Variants in FAT3 observed in about 807,000 individuals in gnomAD.
FAT3 encodes protocadherin Fat 3.
Under a neutral mutation model 310.2 loss-of-function variants are expected in FAT3, and 95 were observed. That is an observed-to-expected ratio of 0.31 (90% CI 0.26 to 0.36). The LOEUF is 0.36. Among genes scored for constraint, FAT3 ranks in the 10% least tolerant of loss-of-function variants. FAT3 has a pLI of 1.00. For synonymous variants in FAT3, 2,314 were observed against 2,192.9 expected (o/e 1.06, Z -1.54); for missense variants, 5,408 against 5,715.6 (o/e 0.95, Z 1.74).
chr11:92,589,161 G>C (rs1162258182), intron 3 of FAT3, among the ~76,000 whole-genome samples: 2 of 151,982 alleles, frequency 1.3e-5, no homozygotes, highest in African/African-American at 4.8e-5. Context: ...TAATAAAAAA[G>C]GAAAGAAAGG....
intron 1 of FAT3, among the ~76,000 whole-genome samples, chr11:92,304,459 C>T (rs1464698039): frequency 1.3e-5 from 2 of 152,084 alleles, no homozygotes; most frequent in Non-Finnish European, 1.5e-5. Flanking sequence ...GCAGTGTGGT[C>T]ATCTCCTCTG....
At position 92,892,069 on chromosome 11, in the gene FAT3, A is replaced by G. The variant is rs1033054299; in HGVS notation, c.*956A>G. 2 of 152,238 alleles carry G rather than the reference A, an allele frequency of 1.3e-5. No homozygotes were observed. Among genetic ancestry groups the G allele is most frequent in the Non-Finnish European group, 2.9e-5 (2 of 68,048 alleles). The allele number at this position is 152,238 out of a possible 1,614,324, so 9.4% of individuals were successfully genotyped here. On this transcript the variant is annotated 3_prime_UTR_variant, in exon 28 of 28. Coordinates refer to ENST00000525166, the MANE Select transcript of FAT3 (RefSeq NM_001367949.2). ...GGCCTAGATAATCACAATTCTTCATAATGCAGAGGAAAGGTGTCTGTTATT... is the reference window on the plus strand; with the variant it reads ...GGCCTAGATAATCACAATTCTTCATGATGCAGAGGAAAGGTGTCTGTTATT...
At chr11:92,579,089 A>G (rs1219071742) in intron 3 of FAT3, among the ~76,000 whole-genome samples, 1 of 152,134 alleles carries the variant, frequency 6.6e-6, no homozygotes, top group Non-Finnish European at 1.5e-5. Flanking sequence ...TAAAATCCAG[A>G]TTAATCTAAA....
At chr11:92,707,245 C>T (rs886521366) in intron 4 of FAT3, among the ~76,000 whole-genome samples, 14 of 152,220 alleles carry the variant, frequency 9.2e-5, no homozygotes, top group Non-Finnish European at 1.5e-5. Context: ...CACCCAGTGG[C>T]TCCGCCTGGC....
intron 3 of FAT3, among the ~76,000 whole-genome samples, chr11:92,552,821 G>A (rs779698446): frequency 6.6e-6 from 1 of 151,902 alleles, no homozygotes. Context: ...ATGATGGCAC[G>A]TGCCTGTAAT....
At chr11:92,514,521 C>A in intron 2 of FAT3, among the ~76,000 whole-genome samples, 1 of 152,148 alleles carries the variant, frequency 6.6e-6, no homozygotes. Context: ...GGGATATTCA[C>A]TTGAGTCCTT....
intron 2 of FAT3, among the ~76,000 whole-genome samples, chr11:92,457,526 G>A (rs533278249): frequency 6.6e-6 from 1 of 152,240 alleles, no homozygotes; most frequent in South Asian, 2.1e-4. Flanking sequence ...ATGAACATTA[G>A]TCGATATCCT....
At chr11:92,296,607 T>C (rs1224825594) in intron 1 of FAT3, among the ~76,000 whole-genome samples, 1 of 151,900 alleles carries the variant, frequency 6.6e-6, no homozygotes, top group South Asian at 2.1e-4. Context: ...TGTTATGGCC[T>C]GTCTGTTTCA....
chr11:92,325,889 C>T (rs1947750711), intron 1 of FAT3, among the ~76,000 whole-genome samples: 1 of 152,180 alleles, frequency 6.6e-6, no homozygotes, highest in Non-Finnish European at 1.5e-5. Flanking sequence ...CTGGGCCTCC[C>T]AAAGTGCTGG....
At chr11:92,406,174 T>C (rs1950133229) in intron 2 of FAT3, among the ~76,000 whole-genome samples, 1 of 152,212 alleles carries the variant, frequency 6.6e-6, no homozygotes, top group African/African-American at 2.4e-5. Flanking sequence ...GTGTTCCTTA[T>C]ATATCCTTCC....
intron 6 of FAT3, among the ~76,000 whole-genome samples, chr11:92,771,983 A>C (rs1038101671): frequency 1.3e-5 from 2 of 152,136 alleles, no homozygotes; most frequent in Admixed American, 1.3e-4. Context: ...ACTGGAATCT[A>C]TGCTTGCTGG....
At chr11:92,576,555 C>T (rs1938495802) in intron 3 of FAT3, among the ~76,000 whole-genome samples, 1 of 152,036 alleles carries the variant, frequency 6.6e-6, no homozygotes, top group Non-Finnish European at 1.5e-5. Context: ...CAAATTCTAG[C>T]CTCTGTGATA....
At chr11:92,438,744 G>A (rs188491826) in intron 2 of FAT3, among the ~76,000 whole-genome samples, 4 of 152,286 alleles carry the variant, frequency 2.6e-5, no homozygotes, top group Non-Finnish European at 1.5e-5. Context: ...TAAGAAAAGA[G>A]AGAAGACCAT....
chr11:92,404,313 A>G (rs1950091512), intron 2 of FAT3, among the ~76,000 whole-genome samples: 1 of 152,136 alleles, frequency 6.6e-6, no homozygotes, highest in Non-Finnish European at 1.5e-5. Context: ...CAAGTGCTGT[A>G]CTAGTGGAAT....
At chr11:92,617,005 T>G (rs1940843352) in intron 3 of FAT3, among the ~76,000 whole-genome samples, 1 of 152,232 alleles carries the variant, frequency 6.6e-6, no homozygotes, top group African/African-American at 2.4e-5. Context: ...CTGTATTTCC[T>G]GAATTTGAAT....
chr11:92,853,920 T>C (rs1352300685), intron 19 of FAT3, among the ~76,000 whole-genome samples: 2 of 152,178 alleles, frequency 1.3e-5, no homozygotes, highest in Admixed American at 6.5e-5. Context: ...AGGCTTCAGA[T>C]AGTCCCTGGC....
In FAT3 at chr11:92,568,078, C is replaced by T. The variant is rs142611341; in HGVS notation, c.3607+43130C>T. On this transcript the variant is annotated intron_variant, in intron 3 of 27. Coordinates refer to ENST00000525166, the MANE Select transcript of FAT3 (RefSeq NM_001367949.2). ...AAAAATTCATGCCATTCAGTCAATCCGCAAATATTTATTGAATGTCTCCTA... is the reference window on the plus strand; with the variant it reads ...AAAAATTCATGCCATTCAGTCAATCTGCAAATATTTATTGAATGTCTCCTA... Among the ~76,000 whole-genome samples the T allele has an allele frequency of 1.9e-3, 284 of 152,004 alleles. 1 individual carries two copies. Among genetic ancestry groups the T allele is most frequent in the African/African-American group, 6.5e-3 (269 of 41,468 alleles).
chr11:92,354,395 G>T lies in FAT3; in HGVS notation c.2283G>T (p.Val761=). The change falls in exon 2 of 28, where the codon GTG becomes GTT. Residue 761 remains valine (V), a synonymous_variant. Transcript: ENST00000525166. The stretch of plus-strand genomic sequence containing the variant: ...CCGACTCTGGCTTCAATGGAAAAGT[G>T]CTATTTACAATATCAGATGGAAATA... ...YDADSGFNGK[V]LFTISDGNTD... 1 of 1,613,890 alleles carries T rather than the reference G, an allele frequency of 6.2e-7. No individual in the cohort carries two copies. Among genetic ancestry groups the T allele is most frequent in the Middle Eastern group, 1.6e-4 (1 of 6,062 alleles).
chr11:92,567,837 G>A (rs1474958836), intron 3 of FAT3, among the ~76,000 whole-genome samples: 3 of 146,444 alleles, frequency 2.0e-5, no homozygotes. Flanking sequence ...ATTGAACAAT[G>A]AGAACACATG....
Sources: gnomAD v4.1 joint callset for allele counts (sites outside exome capture counted in the v4.1 genomes callset) on GRCh38, gnomAD v4.1.1 for gene constraint, MANE v1.5 for transcripts, NCBI Gene and HGNC (gene_info 2026-07-23, HGNC 2026-07-21) for gene names.